Variants in USP34 observed in about 807,000 individuals in gnomAD.
USP34 encodes ubiquitin carboxyl-terminal hydrolase 34.
USP34 carries 70 observed loss-of-function variants against 460.3 expected under a neutral mutation model. The ratio of observed to expected loss-of-function variants is 0.15; its 90% CI spans 0.13 to 0.19. The LOEUF is 0.19. Among genes scored for constraint, USP34 ranks in the 10% least tolerant of loss-of-function variants. The pLI is 1.00. For missense variants in USP34, 3,985 were observed against 4,236.2 expected (o/e 0.94, Z 1.65); for synonymous variants, 1,647 against 1,405.3 (o/e 1.17, Z -3.85).
rs75593990 is a variant in USP34 at position 61,358,193 on chromosome 2, A to AAAATAAATAAATAAATAAAT, written c.1252-7520_1252-7501dup. On this transcript the variant is annotated intron_variant, in intron 10 of 79. Coordinates refer to ENST00000398571, the MANE Select transcript of USP34 (RefSeq NM_014709.4). ...GGCAAGACAGAGCGAGATTCCATCT[A>AAAATAAATAAATAAATAAAT]AAATAAATAAATAAATAAATAAATA... Among the ~76,000 whole-genome samples the AAAATAAATAAATAAATAAAT allele has an allele frequency of 4.9e-3, 731 of 148,652 alleles. 12 individuals carry two copies. In the East Asian group the frequency reaches 0.066, roughly 13 times the overall value.
At chr2:61,198,813 G>A (rs1686885307) in intron 75 of USP34, among the ~76,000 whole-genome samples, 2 of 152,196 alleles carry the variant, frequency 1.3e-5, no homozygotes, top group African/African-American at 4.8e-5. Flanking sequence ...AGGATGCAGT[G>A]AGCCAAGGTC....
intron 21 of USP34, among the ~76,000 whole-genome samples, chr2:61,319,924 C>CATT (rs1690864755): frequency 2.0e-5 from 3 of 152,106 alleles, no homozygotes; most frequent in Non-Finnish European, 4.4e-5. Flanking sequence ...TAAATGTGAG[C>CATT]TATATATACA....
intron 21 of USP34, among the ~76,000 whole-genome samples, chr2:61,322,099 G>A (rs1238917341): frequency 1.7e-4 from 26 of 151,986 alleles, no homozygotes; most frequent in African/African-American, 5.1e-4. Context: ...GCGTGGTGGC[G>A]CATGCCTATA....
intron 76 of USP34, chr2:61,191,038 C>G (rs1047826189): frequency 6.1e-6 from 1 of 163,240 alleles, no homozygotes; most frequent in Non-Finnish European, 1.3e-5. Flanking sequence ...TATAGGTAAC[C>G]AGAGCATATG....
At chr2:61,189,272 GTT>G (rs1686548399) in intron 78 of USP34, 43 of 470,242 alleles carry the variant, frequency 9.1e-5, no homozygotes, top group Middle Eastern at 6.0e-4. Flanking sequence ...TTTTTTTTTT[GTT>G]TTGTTTTTGT....
At chr2:61,282,504 C>G (rs1689564198) in intron 37 of USP34, among the ~76,000 whole-genome samples, 1 of 152,114 alleles carries the variant, frequency 6.6e-6, no homozygotes, top group Admixed American at 6.6e-5. Context: ...ATAGAAAACA[C>G]AGGCTGGGTG....
At chr2:61,243,558 ATT>A (rs377487628) in intron 51 of USP34, among the ~76,000 whole-genome samples, 2,145 of 144,546 alleles carry the variant, frequency 0.015, 29 homozygotes, top group East Asian at 0.042. Context: ...TTCTTCCTTC[ATT>A]TTTTTTTTTT....
chr2:61,198,459 T>C (rs1686872705), intron 75 of USP34, among the ~76,000 whole-genome samples: 1 of 152,136 alleles, frequency 6.6e-6, no homozygotes, highest in Non-Finnish European at 1.5e-5. Flanking sequence ...GGAGGCCAAA[T>C]TGCCTCCCAA....
intron 41 of USP34, among the ~76,000 whole-genome samples, chr2:61,270,981 T>C (rs1249950991): frequency 6.6e-6 from 1 of 151,916 alleles, no homozygotes; most frequent in Admixed American, 6.6e-5. Context: ...ACAAAAGATA[T>C]CCATTAAAAA....
chr2:61,192,881 C>G lies in USP34; in HGVS notation c.9588+20G>C. ...TCAGATAAGATTAAAGACCAATCAT[C>G]TAAAACTCATTTTCTTTACCTGAGT... On this transcript the variant is annotated intron_variant, in intron 76 of 79. Transcript: ENST00000398571. 6.2e-7 allele frequency: 1 copy of G among 1,605,810 alleles called. No homozygotes were observed. Among genetic ancestry groups the G allele is most frequent in the Non-Finnish European group, 8.5e-7 (1 of 1,173,842 alleles).
Position 61,190,567 on chromosome 2 carries a change from A to G in USP34, c.9680T>C (p.Phe3227Ser). 2 of 1,614,162 alleles carry G rather than the reference A, an allele frequency of 1.2e-6. No individual in the cohort carries two copies. The highest frequency in any genetic ancestry group is 1.7e-6 in the Non-Finnish European group (2 of 1,180,008). ...IKCILMDERT[F>S]LNNNIVYTFM... is the part of the protein sequence containing the mutation. ...CGTGTAGACAATGTTGTTGTTTAAAAAAGTTCTTTCATCCATTAGGATACA... is the reference window on the plus strand; with the variant it reads ...CGTGTAGACAATGTTGTTGTTTAAAGAAGTTCTTTCATCCATTAGGATACA... Residue 3227 changes from phenylalanine (F) to serine (S), a missense_variant, in exon 77 of 80, where the codon TTT becomes TCT. Physicochemically the swap from Phe to Ser is radical, Grantham distance 155. Transcript: ENST00000398571.
chr2:61,361,663 T>C (rs1482628093), intron 10 of USP34, among the ~76,000 whole-genome samples: 6 of 152,114 alleles, frequency 3.9e-5, no homozygotes, highest in Non-Finnish European at 8.8e-5. Flanking sequence ...CAACTCAAAA[T>C]GGATTAAAAA....
chr2:61,241,174 G>A (rs1408519594), intron 53 of USP34, among the ~76,000 whole-genome samples: 1 of 152,072 alleles, frequency 6.6e-6, no homozygotes, highest in Non-Finnish European at 1.5e-5. Context: ...CTCCCAAGCA[G>A]CTGGGATTAC....
intron 29 of USP34, among the ~76,000 whole-genome samples, chr2:61,297,860 A>C (rs1690083362): frequency 6.6e-6 from 1 of 152,156 alleles, no homozygotes; most frequent in Non-Finnish European, 1.5e-5. Context: ...CTCCAATGTC[A>C]AGGAAATCTT....
chr2:61,303,177 C>CA (rs1491534227), intron 27 of USP34, among the ~76,000 whole-genome samples: 1 of 151,944 alleles, frequency 6.6e-6, no homozygotes, highest in Non-Finnish European at 1.5e-5. Context: ...AGCAATTCTC[C>CA]AGTCTCGGCC....
chr2:61,447,279 A>C (rs1387866861), intron 1 of USP34, among the ~76,000 whole-genome samples: 2 of 150,116 alleles, frequency 1.3e-5, no homozygotes, highest in African/African-American at 2.5e-5. Flanking sequence ...AAAAAAAAAA[A>C]AAACCAGAAA....
intron 43 of USP34, among the ~76,000 whole-genome samples, chr2:61,262,326 C>A (rs1042158153): frequency 6.6e-6 from 1 of 151,716 alleles, no homozygotes; most frequent in Non-Finnish European, 1.5e-5. Context: ...TTTTTCAATC[C>A]TGTTCCTCTT....
chr2:61,238,228 C>T (rs534569350), intron 53 of USP34, among the ~76,000 whole-genome samples: 1 of 152,186 alleles, frequency 6.6e-6, no homozygotes, highest in South Asian at 2.1e-4. Flanking sequence ...AACTGTCCAT[C>T]CTCATCTTGG....
At chr2:61,457,804 T>C (rs538313576) in intron 1 of USP34, among the ~76,000 whole-genome samples, 1 of 152,238 alleles carries the variant, frequency 6.6e-6, no homozygotes, top group Non-Finnish European at 1.5e-5. Flanking sequence ...GCTAGGATCA[T>C]ATCACTGTAC....
Sources: gnomAD v4.1 joint callset for allele counts (sites outside exome capture counted in the v4.1 genomes callset) on GRCh38, gnomAD v4.1.1 for gene constraint, MANE v1.5 for transcripts, NCBI Gene and HGNC (gene_info 2026-07-23, HGNC 2026-07-21) for gene names.